Variants in MYO1D observed in about 807,000 individuals in gnomAD.
The protein encoded by MYO1D is unconventional myosin-Id.
A neutral mutation model predicts 122.0 loss-of-function variants in MYO1D; 83 were observed. The observed-to-expected ratio is 0.68, with a 90% CI of 0.57 to 0.82. The LOEUF is 0.82. MYO1D is among the 40% of genes least tolerant of loss of function. MYO1D has a pLI of 0.00. For missense variants in MYO1D, 1,157 were observed against 1,269.5 expected (o/e 0.91, Z 1.35); for synonymous variants, 464 against 446.9 (o/e 1.04, Z -0.48).
intron 1 of MYO1D, among the ~76,000 whole-genome samples, chr17:32,825,366 A>T (rs905079890): frequency 2.0e-5 from 3 of 152,026 alleles, no homozygotes; most frequent in Non-Finnish European, 4.4e-5. Context: ...ATCACAGCTC[A>T]CTGCAGCCTT....
At position 32,682,699 on chromosome 17, in the gene MYO1D, A is replaced by C. The variant is rs1480595835; in HGVS notation, c.2122-23361T>G. Among the ~76,000 whole-genome samples, 2 of 110,294 alleles carry C rather than the reference A, an allele frequency of 1.8e-5. 1 individual carries two copies. The highest frequency in any genetic ancestry group is 5.8e-4 in the South Asian group (2 of 3,424). The allele number at this position is 110,294 out of a possible 152,430, so 72.4% of individuals were successfully genotyped here. ...TGCCCTTAACATTTTTTTCATTTCA[A>C]CTTTGGTGAATCTGACAATTACGTG... is the stretch of plus-strand genomic sequence containing the variant. On this transcript the variant is annotated intron_variant, in intron 16 of 21. Coordinates refer to ENST00000318217, the MANE Select transcript of MYO1D (RefSeq NM_015194.3).
At chr17:32,510,164 C>T (rs1323304660) in intron 21 of MYO1D, 4 of 152,240 alleles carry the variant, frequency 2.6e-5, no homozygotes, top group African/African-American at 9.6e-5. Context: ...GCAACTGTCT[C>T]CTCAACAGCA....
chr17:32,677,334 T>C (rs955474767), intron 16 of MYO1D, among the ~76,000 whole-genome samples: 1 of 152,066 alleles, frequency 6.6e-6, no homozygotes, highest in African/African-American at 2.4e-5. Flanking sequence ...CCTATTCCAG[T>C]AGATTATCCA....
chr17:32,558,940 C>T (rs2087093527), intron 21 of MYO1D, among the ~76,000 whole-genome samples: 1 of 152,222 alleles, frequency 6.6e-6, no homozygotes, highest in African/African-American at 2.4e-5. Flanking sequence ...AATAATAGGG[C>T]CCACCTTCTA....
intron 12 of MYO1D, among the ~76,000 whole-genome samples, chr17:32,746,741 AGAAGT>A (rs2089842120): frequency 6.6e-6 from 1 of 152,212 alleles, no homozygotes; most frequent in Non-Finnish European, 1.5e-5. Flanking sequence ...GAAGAGTTTA[AGAAGT>A]GAAGAGGAAG....
intron 6 of MYO1D, among the ~76,000 whole-genome samples, chr17:32,770,546 T>A (rs1233507393): frequency 6.6e-6 from 1 of 151,972 alleles, no homozygotes; most frequent in East Asian, 1.9e-4. Context: ...CTAGATGAAC[T>A]AGAAATAAAA....
At chr17:32,610,925 C>A (rs2087692640) in intron 20 of MYO1D, among the ~76,000 whole-genome samples, 1 of 152,170 alleles carries the variant, frequency 6.6e-6, no homozygotes, top group African/African-American at 2.4e-5. Flanking sequence ...CTGTTGCTTC[C>A]TTATTTCTCC....
At chr17:32,545,907 T>A (rs2086961563) in intron 21 of MYO1D, among the ~76,000 whole-genome samples, 2 of 152,094 alleles carry the variant, frequency 1.3e-5, no homozygotes, top group Admixed American at 1.3e-4. Flanking sequence ...CGGTGTCTTT[T>A]CTAAAGGACT....
intron 16 of MYO1D, among the ~76,000 whole-genome samples, chr17:32,660,894 G>C (rs912396192): frequency 6.6e-6 from 1 of 152,132 alleles, no homozygotes; most frequent in African/African-American, 2.4e-5. Flanking sequence ...CAGGGTGAAA[G>C]TATGTGATTT....
intron 1 of MYO1D, among the ~76,000 whole-genome samples, chr17:32,843,468 A>G (rs1190971217): frequency 6.6e-6 from 1 of 152,246 alleles, no homozygotes; most frequent in Non-Finnish European, 1.5e-5. Flanking sequence ...GGAATGTCAA[A>G]TGAATCAAAT....
Position 32,800,512 on chromosome 17 carries a change from T to A in MYO1D, c.96-19728A>T, listed in dbSNP as rs114043406. Among the ~76,000 whole-genome samples the A allele has an allele frequency of 5.3e-3, 810 of 151,572 alleles. 2 individuals are homozygous for A. Among genetic ancestry groups the A allele is most frequent in the African/African-American group, 0.017 (718 of 41,264 alleles). On this transcript the variant is annotated intron_variant, in intron 1 of 21. Transcript: ENST00000318217. ...CTAAAAAAGTCGAACTTAATAGAAG[T>A]AGAGAGTAGATGGTGGCTACCAGAG...
chr17:32,867,323 CAAAA>C (rs754118023), intron 1 of MYO1D, among the ~76,000 whole-genome samples: 5 of 74,340 alleles, frequency 6.7e-5, no homozygotes, highest in Admixed American at 4.7e-4. Flanking sequence ...GAGACTGTCT[CAAAA>C]AAAAAAAAAA....
intron 19 of MYO1D, among the ~76,000 whole-genome samples, chr17:32,650,520 C>T (rs375879016): frequency 1.1e-4 from 16 of 152,206 alleles, no homozygotes; most frequent in Middle Eastern, 3.4e-3. Flanking sequence ...TCAGAGACTT[C>T]GGCTGCACCT....
chr17:32,556,319 GACA>G (rs2087068311), intron 21 of MYO1D, among the ~76,000 whole-genome samples: 1 of 152,182 alleles, frequency 6.6e-6, no homozygotes, highest in Non-Finnish European at 1.5e-5. Flanking sequence ...TAGGTGCTCT[GACA>G]CAGACTGGAT....
At chr17:32,828,157 T>G (rs2090739123) in intron 1 of MYO1D, among the ~76,000 whole-genome samples, 1 of 152,170 alleles carries the variant, frequency 6.6e-6, no homozygotes, top group Non-Finnish European at 1.5e-5. Flanking sequence ...AGAAAGGTCC[T>G]GGGTAAGAGG....
chr17:32,731,192 C>T (rs554703219), intron 14 of MYO1D, among the ~76,000 whole-genome samples: 1 of 152,344 alleles, frequency 6.6e-6, no homozygotes, highest in African/African-American at 2.4e-5. Flanking sequence ...CAGGCATGAG[C>T]CACCAGCCCC....
intron 20 of MYO1D, among the ~76,000 whole-genome samples, chr17:32,618,075 C>G (rs373593177): frequency 1.3e-5 from 2 of 152,128 alleles, no homozygotes; most frequent in African/African-American, 4.8e-5. Flanking sequence ...TGTGACTGCA[C>G]GCCTGGATCA....
chr17:32,837,241 G>A (rs796617723), intron 1 of MYO1D, among the ~76,000 whole-genome samples: 1 of 137,494 alleles, frequency 7.3e-6, no homozygotes, highest in Middle Eastern at 4.2e-3. Flanking sequence ...TCTTTTCAAA[G>A]TGCCTGCCTT....
At chr17:32,676,879 T>C (rs941478900) in intron 16 of MYO1D, among the ~76,000 whole-genome samples, 4 of 152,036 alleles carry the variant, frequency 2.6e-5, no homozygotes, top group Non-Finnish European at 4.4e-5. Flanking sequence ...GGCGCTATCT[T>C]GGCTCACTGC....
Sources: allele counts gnomAD v4.1 joint callset (sites outside exome capture counted in the v4.1 genomes callset), GRCh38; gene constraint gnomAD v4.1.1; transcripts MANE v1.5; gene names NCBI Gene and HGNC (gene_info 2026-07-23, HGNC 2026-07-21).